NCOA1: variants seen among roughly 807,000 people sequenced by gnomAD.
The protein encoded by NCOA1 is nuclear receptor coactivator 1.
A neutral mutation model predicts 150.9 loss-of-function variants in NCOA1; 35 were observed. The ratio of observed to expected loss-of-function variants is 0.23; its 90% CI spans 0.18 to 0.31. The LOEUF is 0.31. Among genes scored for constraint, NCOA1 ranks in the 10% least tolerant of loss-of-function variants. NCOA1 has a pLI of 1.00. For synonymous variants in NCOA1, 590 were observed against 630.0 expected (o/e 0.94, Z 0.95); for missense variants, 1,491 against 1,749.3 (o/e 0.85, Z 2.63).
At chr2:24,631,424 A>G (rs1253295107) in intron 3 of NCOA1, among the ~76,000 whole-genome samples, 2 of 152,158 alleles carry the variant, frequency 1.3e-5, no homozygotes. Context: ...ATAATATGTA[A>G]ATCATTGGTA....
In NCOA1 at chr2:24,757,993, A is replaced by G. The variant is rs781453151; in HGVS notation, c.3902A>G (p.Gln1301Arg). 1.2e-6 allele frequency: 2 copies of G among 1,614,092 alleles called. No individual in the cohort carries two copies. Among genetic ancestry groups the G allele is most frequent in the Non-Finnish European group, 1.7e-6 (2 of 1,179,992 alleles). Residue 1301 changes from glutamine (Q) to arginine (R), a missense_variant, in exon 21 of 23, where the codon CAG becomes CGG. Gln to Arg is a conservative substitution (Grantham distance 43). Transcript: ENST00000348332. ...TACAGTGTGTTCAGTCAAGCTGTCCAGAACCAGCCCACGCCTGCACAGCCA... is the reference window on the plus strand; with the variant it reads ...TACAGTGTGTTCAGTCAAGCTGTCCGGAACCAGCCCACGCCTGCACAGCCA... ...GNNNVFSQAV[Q>R]NQPTPAQPGV...
At chr2:24,767,276 T>C (rs984274637) in intron 22 of NCOA1, among the ~76,000 whole-genome samples, 1 of 152,226 alleles carries the variant, frequency 6.6e-6, no homozygotes, top group Admixed American at 6.5e-5. Flanking sequence ...TTATGACCTA[T>C]CAAACAGGAG....
chr2:24,724,546 TTTTG>T (rs770710582), intron 14 of NCOA1, among the ~76,000 whole-genome samples: 42 of 152,320 alleles, frequency 2.8e-4, no homozygotes, highest in Middle Eastern at 6.8e-3. Flanking sequence ...ATGGGGATTT[TTTTG>T]TTTGTTTTTG....
chr2:24,567,633 C>T (rs1367682440), intron 2 of NCOA1, among the ~76,000 whole-genome samples: 2 of 152,146 alleles, frequency 1.3e-5, no homozygotes, highest in East Asian at 3.8e-4. Context: ...CAGACCTTAA[C>T]AAAAGTAAAG....
chr2:24,719,039 A>C (rs1375687526), intron 14 of NCOA1, among the ~76,000 whole-genome samples: 22 of 150,270 alleles, frequency 1.5e-4, no homozygotes, highest in Middle Eastern at 6.8e-3. Context: ...AAAAAAAAAA[A>C]AAAAAAAAAA....
At chr2:24,497,861 A>AT (rs1165963427) in intron 1 of NCOA1, among the ~76,000 whole-genome samples, 2 of 151,938 alleles carry the variant, frequency 1.3e-5, no homozygotes, top group Admixed American at 6.6e-5. Context: ...TTTTGTTTTT[A>AT]TTTTTTTGGA....
At position 24,559,225 on chromosome 2, in the gene NCOA1, G is replaced by C. The variant is rs368720463; in HGVS notation, c.-395-5070G>C. ...TCCTCTTTTGCTGCTGCCTCTGTCA[G>C]GTTGTTTGTGTTGGAGGCTGAATCA... On this transcript the variant is annotated intron_variant, in intron 1 of 22. Transcript: ENST00000348332. Among the ~76,000 whole-genome samples the C allele has an allele frequency of 2.3e-4, 35 of 152,278 alleles. 1 individual carries two copies. In the East Asian group the frequency reaches 4.4e-3, roughly 19 times the overall value.
chr2:24,688,377 T>C (rs1672504652), intron 8 of NCOA1, among the ~76,000 whole-genome samples: 1 of 152,220 alleles, frequency 6.6e-6, no homozygotes, highest in Non-Finnish European at 1.5e-5. Context: ...CAACAGTGTA[T>C]AAGCATTCCC....
intron 3 of NCOA1, among the ~76,000 whole-genome samples, chr2:24,591,118 A>G (rs1667638883): frequency 6.6e-6 from 1 of 152,194 alleles, no homozygotes; most frequent in South Asian, 2.1e-4. Flanking sequence ...AAAAAATAGT[A>G]ATGTAATTGG....
At chr2:24,681,256 T>A (rs1337593444) in intron 7 of NCOA1, among the ~76,000 whole-genome samples, 1 of 151,742 alleles carries the variant, frequency 6.6e-6, no homozygotes, top group African/African-American at 2.4e-5. Flanking sequence ...CCCAGCTACG[T>A]GGGAGGCTGA....
chr2:24,590,312 C>G (rs978757708), intron 3 of NCOA1, among the ~76,000 whole-genome samples: 1 of 152,140 alleles, frequency 6.6e-6, no homozygotes, highest in Non-Finnish European at 1.5e-5. Flanking sequence ...TCTCAGTACT[C>G]CCGTTTCTCA....
chr2:24,751,729 A>G (rs1226269389), intron 19 of NCOA1, among the ~76,000 whole-genome samples: 1 of 152,226 alleles, frequency 6.6e-6, no homozygotes, highest in African/African-American at 2.4e-5. Context: ...CGTCTTAGTG[A>G]ATGGAAAGCA....
At chr2:24,709,379 A>G (rs146645078) in intron 13 of NCOA1, among the ~76,000 whole-genome samples, 13 of 152,296 alleles carry the variant, frequency 8.5e-5, no homozygotes, top group East Asian at 5.8e-4. Context: ...GATATTATCA[A>G]TATTTTAGAT....
chr2:24,698,604 T>C (rs764998942), intron 11 of NCOA1, among the ~76,000 whole-genome samples: 1 of 152,204 alleles, frequency 6.6e-6, no homozygotes, highest in East Asian at 1.9e-4. Context: ...GGCTTTGATA[T>C]ACTTTAAAAA....
At chr2:24,617,498 AT>A (rs773614521) in intron 3 of NCOA1, among the ~76,000 whole-genome samples, 28 of 152,136 alleles carry the variant, frequency 1.8e-4, no homozygotes, top group Non-Finnish European at 3.4e-4. Flanking sequence ...TCTGTTGGTC[AT>A]CTCATACACT....
intron 4 of NCOA1, among the ~76,000 whole-genome samples, chr2:24,646,251 A>C (rs1481165356): frequency 2.0e-5 from 3 of 152,102 alleles, no homozygotes; most frequent in Non-Finnish European, 4.4e-5. Flanking sequence ...AATTTGCTTT[A>C]TCTCTCTCTG....
intron 12 of NCOA1, 118 bp from the exon 13 acceptor site, chr2:24,706,450 T>C: frequency 8.3e-7 from 1 of 1,198,300 alleles, no homozygotes; most frequent in East Asian, 2.6e-5. Context: ...AGAAGCTCTT[T>C]ACTTGATAGC....
intron 2 of NCOA1, among the ~76,000 whole-genome samples, chr2:24,571,742 C>G (rs1666752632): frequency 6.6e-6 from 1 of 152,130 alleles, no homozygotes; most frequent in South Asian, 2.1e-4. Flanking sequence ...CATAGGGAAT[C>G]CAGAGTCCAG....
chr2:24,504,894 C>T (rs1663623597), intron 1 of NCOA1, among the ~76,000 whole-genome samples: 1 of 152,124 alleles, frequency 6.6e-6, no homozygotes, highest in Non-Finnish European at 1.5e-5. Flanking sequence ...CAAAATTTCT[C>T]TAGTATCCTT....
Sources: gnomAD v4.1 joint callset for allele counts (sites outside exome capture counted in the v4.1 genomes callset) on GRCh38, gnomAD v4.1.1 for gene constraint, MANE v1.5 for transcripts, NCBI Gene and HGNC (gene_info 2026-07-23, HGNC 2026-07-21) for gene names.